Variants in HSD17B2 observed in about 807,000 individuals in gnomAD.
The protein encoded by HSD17B2 is hydroxysteroid 17-beta dehydrogenase 2.
HSD17B2 carries 32 observed loss-of-function variants against 26.9 expected under a neutral mutation model. The observed-to-expected ratio is 1.19, with a 90% CI of 0.90 to 1.60. HSD17B2 has a LOEUF of 1.60. Among genes scored for constraint, HSD17B2 ranks in the 40% most tolerant of loss-of-function variants. The pLI, the probability that HSD17B2 is intolerant of heterozygous loss-of-function variation, is 0.00. For synonymous variants in HSD17B2, 246 were observed against 186.7 expected, an observed-to-expected ratio of 1.32 and a Z score of -2.59; for missense variants, 613 against 468.6, an observed-to-expected ratio of 1.31 and a Z score of -2.85.
At chr16:82,055,849 T>G (rs570983190) in intron 1 of HSD17B2, among the ~76,000 whole-genome samples, 2 of 152,122 alleles carry the variant, frequency 1.3e-5, no homozygotes, top group African/African-American at 4.8e-5. Context: ...GGGTGGCGAA[T>G]TGGTTTCCTC....
intron 1 of HSD17B2, among the ~76,000 whole-genome samples, chr16:82,042,104 G>A (rs557766024): frequency 6.6e-6 from 1 of 151,982 alleles, no homozygotes; most frequent in African/African-American, 2.4e-5. Context: ...CCAGGTTCAA[G>A]CAATTCTCCT....
intron 1 of HSD17B2, among the ~76,000 whole-genome samples, chr16:82,057,444 G>A (rs1276144195): frequency 6.6e-6 from 1 of 152,078 alleles, no homozygotes; most frequent in East Asian, 1.9e-4. Context: ...TGATCCACCC[G>A]CTTCGGCCTC....
At chr16:82,062,615 C>T (rs931900068) in intron 1 of HSD17B2, among the ~76,000 whole-genome samples, 6 of 152,226 alleles carry the variant, frequency 3.9e-5, no homozygotes, top group Non-Finnish European at 8.8e-5. Context: ...TTCTGTGCCT[C>T]AGTTTCCTCC....
intron 1 of HSD17B2, among the ~76,000 whole-genome samples, chr16:82,043,447 G>A (rs958316519): frequency 7.2e-5 from 9 of 124,392 alleles, no homozygotes; most frequent in Non-Finnish European, 1.2e-4. Context: ...CACTTTGGGA[G>A]GCCGAGGCGG....
chr16:82,075,401 G>A (rs8054838), intron 3 of HSD17B2, among the ~76,000 whole-genome samples: 19,177 of 151,984 alleles, frequency 0.13, 4,014 homozygotes, highest in African/African-American at 0.43. Flanking sequence ...CAAAAGATCA[G>A]CAAAATGAAA....
Position 82,090,993 on chromosome 16 carries a change from G to A in HSD17B2, c.756G>A (p.Lys252=), listed in dbSNP as rs781781843. The A allele has an allele frequency of 6.2e-6, 10 of 1,614,086 alleles. No individual in the cohort carries two copies. The highest frequency in any genetic ancestry group is 8.5e-6 in the Non-Finnish European group (10 of 1,179,938). ...FSSVMRLELS[K]WGIKVASIQP... ...CAGTTATGAGACTGGAGCTTTCCAAGTGGGGAATTAAAGTTGCTTCCATCC... is the reference window on the plus strand; with the variant it reads ...CAGTTATGAGACTGGAGCTTTCCAAATGGGGAATTAAAGTTGCTTCCATCC... The change falls in exon 4 of 5, where the codon AAG becomes AAA. Residue 252 remains lysine (K), a synonymous_variant. Coordinates refer to ENST00000199936, the MANE Select transcript of HSD17B2 (RefSeq NM_002153.3).
chr16:82,038,603 G>A (rs1224974462), intron 1 of HSD17B2, among the ~76,000 whole-genome samples: 1 of 152,158 alleles, frequency 6.6e-6, no homozygotes, highest in Non-Finnish European at 1.5e-5. Flanking sequence ...CAACACGATT[G>A]TAATAACATC....
intron 1 of HSD17B2, among the ~76,000 whole-genome samples, chr16:82,064,822 C>T (rs1185454794): frequency 6.6e-6 from 1 of 152,228 alleles, no homozygotes; most frequent in African/African-American, 2.4e-5. Context: ...TTATTTGTAG[C>T]TTTGCCTCTT....
chr16:82,055,953 C>G (rs1164407831), intron 1 of HSD17B2, among the ~76,000 whole-genome samples: 2 of 152,132 alleles, frequency 1.3e-5, no homozygotes, highest in Non-Finnish European at 2.9e-5. Flanking sequence ...TGTAAGCTGG[C>G]CCAGGTACCA....
At chr16:82,077,150 G>A (rs554494820) in intron 3 of HSD17B2, among the ~76,000 whole-genome samples, 2 of 152,054 alleles carry the variant, frequency 1.3e-5, no homozygotes, top group Non-Finnish European at 2.9e-5. Context: ...ATTCTTCACA[G>A]AAATAGAAAA....
chr16:82,096,160 AT>A (rs1487375561), intron 4 of HSD17B2: 1 of 152,188 alleles, frequency 6.6e-6, no homozygotes, highest in African/African-American at 2.4e-5. Context: ...CACTTCATAT[AT>A]TTTTAAAAAC....
At chr16:82,041,583 T>C (rs939439752) in intron 1 of HSD17B2, among the ~76,000 whole-genome samples, 2 of 152,262 alleles carry the variant, frequency 1.3e-5, no homozygotes, top group African/African-American at 4.8e-5. Flanking sequence ...GCTCTCTAAG[T>C]GTCACTGGTG....
In HSD17B2 at chr16:82,056,786, C is replaced by G. The variant is rs1321292139; in HGVS notation, c.266-11384C>G. ...GAGAGAATGTGTTAGACAGGAAATACAAACAAACAAAAACAACCAACCAAA... is the reference window on the plus strand; with the variant it reads ...GAGAGAATGTGTTAGACAGGAAATAGAAACAAACAAAAACAACCAACCAAA... On this transcript the variant is annotated intron_variant, in intron 1 of 4. Coordinates refer to ENST00000199936, the MANE Select transcript of HSD17B2 (RefSeq NM_002153.3). Among the ~76,000 whole-genome samples, 9 of 152,172 alleles carry G rather than the reference C, an allele frequency of 5.9e-5. No individual in the cohort carries two copies. In the South Asian group the frequency reaches 1.0e-3, roughly 18 times the overall value.
At chr16:82,051,744 G>C (rs1397322357) in intron 1 of HSD17B2, among the ~76,000 whole-genome samples, 1 of 152,118 alleles carries the variant, frequency 6.6e-6, no homozygotes, top group Non-Finnish European at 1.5e-5. Flanking sequence ...AATAAAAAAA[G>C]AAAAAAAGAG....
At chr16:82,035,842 T>C (rs1913610796) in intron 1 of HSD17B2, among the ~76,000 whole-genome samples, 153 bp downstream of exon 1, 1 of 146,030 alleles carries the variant, frequency 6.8e-6, no homozygotes, top group South Asian at 2.1e-4. Flanking sequence ...ACTGTTTTCG[T>C]TCCGTTTTTT....
intron 1 of HSD17B2, among the ~76,000 whole-genome samples, chr16:82,052,840 A>G (rs1338893460): frequency 6.6e-6 from 1 of 152,244 alleles, no homozygotes; most frequent in Non-Finnish European, 1.5e-5. Flanking sequence ...AAAACAGCAG[A>G]AATTTATTCA....
chr16:82,059,610 C>T (rs8191102), intron 1 of HSD17B2, among the ~76,000 whole-genome samples: 9,771 of 152,118 alleles, frequency 0.064, 1,057 homozygotes, highest in African/African-American at 0.22. Context: ...TATTTGTCTT[C>T]TGTGGGTGGG....
At chr16:82,035,772 T>A (rs1416115960) in intron 1 of HSD17B2, 83 bp downstream of exon 1, 3 of 1,400,804 alleles carry the variant, frequency 2.1e-6, no homozygotes, top group Non-Finnish European at 2.9e-6. Context: ...AAATCTGGCT[T>A]AAAAATAAAA....
At chr16:82,043,185 C>G (rs1311366427) in intron 1 of HSD17B2, among the ~76,000 whole-genome samples, 1 of 152,164 alleles carries the variant, frequency 6.6e-6, no homozygotes, top group Non-Finnish European at 1.5e-5. Flanking sequence ...AAGCTTTTCC[C>G]TAGTGGAGCA....
Sources: allele counts gnomAD v4.1 joint callset (sites outside exome capture counted in the v4.1 genomes callset), GRCh38; gene constraint gnomAD v4.1.1; transcripts MANE v1.5; gene names NCBI Gene and HGNC (gene_info 2026-07-23, HGNC 2026-07-21).